Variants in NCOA5 observed in about 807,000 individuals in gnomAD.
NCOA5 encodes nuclear receptor coactivator 5, also known as NCoA-5.
In NCOA5, 12 loss-of-function variants were observed where a neutral mutation model predicts 59.0. That is an observed-to-expected ratio of 0.20 (90% CI 0.13 to 0.33). NCOA5 has a LOEUF of 0.33. Ranked by LOEUF, NCOA5 falls within the 10% of genes least tolerant of loss-of-function variation. The pLI is 1.00. For synonymous variants in NCOA5, 270 were observed against 275.5 expected, an observed-to-expected ratio of 0.98 and a Z score of 0.20; for missense variants, 655 against 766.6, an observed-to-expected ratio of 0.85 and a Z score of 1.72.
chr20:46,063,470 T>A lies in NCOA5; in HGVS notation c.1040A>T (p.Asn347Ile), dbSNP rs199908333. Residue 347 changes from asparagine (N) to isoleucine (I), a missense_variant, in exon 7 of 8, where the codon AAC (asparagine) becomes ATC (isoleucine). Transcript: ENST00000290231. ...GHPPAIQSLI[N>I]LLADNRYLTA... ...GAGGTACCTGTTGTCTGCCAGCAGG[T>A]TGATGAGGCTCTGGATGGCTGGAGG... is the stretch of plus-strand genomic sequence containing the variant. 2 of 1,614,224 alleles carry A rather than the reference T, an allele frequency of 1.2e-6. No individual in the cohort carries two copies. The highest frequency in any genetic ancestry group is 2.2e-5 in the East Asian group (1 of 44,888).
At chr20:46,083,600 G>C (rs1223155893) in intron 1 of NCOA5, among the ~76,000 whole-genome samples, 1 of 152,174 alleles carries the variant, frequency 6.6e-6, no homozygotes, top group East Asian at 1.9e-4. Flanking sequence ...ACCACTAGCT[G>C]TTCAAAGAAC....
intron 2 of NCOA5, among the ~76,000 whole-genome samples, chr20:46,072,831 TTTAC>T (rs2084898079): frequency 6.6e-6 from 1 of 152,232 alleles, no homozygotes; most frequent in Admixed American, 6.5e-5. Context: ...ACATTACATA[TTTAC>T]TTAATGTCTG....
chr20:46,063,808 G>A (rs2084793511), intron 6 of NCOA5, 128 bp from the exon 7 acceptor site: 4 of 967,706 alleles, frequency 4.1e-6, no homozygotes, highest in Non-Finnish European at 6.0e-6. Context: ...AAAGCCTTGA[G>A]ATTGAGAGTG....
At position 46,070,304 on chromosome 20, in the gene NCOA5, G is replaced by C. The variant is rs371556953; in HGVS notation, c.271C>G (p.Arg91Gly). The C allele has an allele frequency of 2.5e-5, 41 of 1,613,668 alleles. No homozygotes were observed. The highest frequency in any genetic ancestry group is 3.3e-5 in the Non-Finnish European group (39 of 1,179,938). The change falls in exon 3 of 8, where the codon CGT becomes GGT. Residue 91 changes from arginine to glycine, a missense_variant. This residue lies in a region of NCOA5 where 250 missense variants were observed against 260.1 expected (regional missense o/e 0.96). Transcript: ENST00000290231. ...VRDVRDLRDF[R>G]DLRDSRDFRD... Reference sequence around the variant, plus strand: ...AAATCCCTAGAGTCTCTTAGATCACGAAAGTCTCTAAGATCCCTCACGTCC... The same window carrying C: ...AAATCCCTAGAGTCTCTTAGATCACCAAAGTCTCTAAGATCCCTCACGTCC...
intron 4 of NCOA5, among the ~76,000 whole-genome samples, chr20:46,067,936 CTT>C (rs879479204): frequency 2.7e-5 from 4 of 145,576 alleles, no homozygotes; most frequent in African/African-American, 2.5e-5. Context: ...TCATTTTTCT[CTT>C]TTTTTTTTTT....
Position 46,070,343 on chromosome 20 carries a change from C to T in NCOA5, c.232G>A (p.Val78Met). Residue 78 changes from valine (V) to methionine (M), a missense_variant, in exon 3 of 8, where the codon GTG becomes ATG. Physicochemically the swap from Val to Met is conservative, Grantham distance 21. Around this residue, in one of 3 missense-constraint regions of NCOA5, gnomAD observed 250 missense variants for 260.1 expected, o/e 0.96. Coordinates refer to ENST00000290231, the MANE Select transcript of NCOA5 (RefSeq NM_020967.3). ...TCCCTCACGTCCCGAACGTCGCGCACACTCCTGCTGTCTCTGTGATCCCGC... is the reference window on the plus strand; with the variant it reads ...TCCCTCACGTCCCGAACGTCGCGCATACTCCTGCTGTCTCTGTGATCCCGC... ...DLRDHRDSRS[V>M]RDVRDVRDLR... 6.2e-7 allele frequency: 1 copy of T among 1,613,772 alleles called. No individual in the cohort carries two copies.
At chr20:46,086,752 C>A (rs75500239) in intron 1 of NCOA5, among the ~76,000 whole-genome samples, 443 of 152,262 alleles carry the variant, frequency 2.9e-3, no homozygotes, top group African/African-American at 0.01. Flanking sequence ...TAATAAACCA[C>A]AAGGTACAGA....
At chr20:46,071,460 G>T (rs933807582) in intron 2 of NCOA5, among the ~76,000 whole-genome samples, 3 of 152,048 alleles carry the variant, frequency 2.0e-5, no homozygotes, top group Admixed American at 6.5e-5. Context: ...CATTGGATTT[G>T]TAAGTCCAAT....
intron 1 of NCOA5, among the ~76,000 whole-genome samples, chr20:46,085,402 T>C (rs1274075809): frequency 4.0e-5 from 6 of 151,836 alleles, no homozygotes; most frequent in African/African-American, 1.2e-4. Flanking sequence ...AGTGGGATTA[T>C]GGCAGAGATA....
rs541472566 is a variant in NCOA5 at position 46,074,663 on chromosome 20, T to C, written c.39-4127A>G. On this transcript the variant is annotated intron_variant, in intron 2 of 7. Transcript: ENST00000290231. Reference sequence around the variant, plus strand: ...GGGGTGAAGGGGAAAACAATGGCTCTGGTGGCAAGTGATGAGCTTCTGGTA... The same window carrying C: ...GGGGTGAAGGGGAAAACAATGGCTCCGGTGGCAAGTGATGAGCTTCTGGTA... Among the ~76,000 whole-genome samples, 6 of 152,340 alleles carry C rather than the reference T, an allele frequency of 3.9e-5. No homozygotes were observed. The East Asian group carries it at 1.2e-3, about 29-fold the overall frequency.
chr20:46,068,829 G>C (rs921131599), intron 3 of NCOA5, among the ~76,000 whole-genome samples, 191 bp from the exon 4 acceptor site: 3 of 152,176 alleles, frequency 2.0e-5, no homozygotes, highest in African/African-American at 7.2e-5. Context: ...ATGGTCTTTG[G>C]CATATATTAA....
chr20:46,073,566 C>T (rs559808158), intron 2 of NCOA5, among the ~76,000 whole-genome samples: 4 of 152,246 alleles, frequency 2.6e-5, no homozygotes, highest in East Asian at 1.9e-4. Context: ...GATTAATGAT[C>T]GGCAGATAAA....
chr20:46,079,541 A>G, intron 1 of NCOA5, 88 bp from the exon 2 acceptor site: 1 of 1,089,916 alleles, frequency 9.2e-7, no homozygotes, highest in Non-Finnish European at 1.4e-6. Context: ...ACAACAACAA[A>G]AACTACAATG....
intron 3 of NCOA5, 104 bp downstream of exon 3, chr20:46,070,106 A>C (rs2084865601): frequency 1.1e-6 from 1 of 892,540 alleles, no homozygotes; most frequent in Non-Finnish European, 1.7e-6. Flanking sequence ...CACCAGAAAT[A>C]AAAGGCTGAT....
In NCOA5 at chr20:46,063,637, G is replaced by A; in HGVS notation, c.873C>T (p.Ala291=). ...CATTCTTGTAACGCTCATAATTTCT[G>A]GCCACCAGCACCATGGCATCTGCTT... ...MPQADAMVLV[A]RNYERYKNEC... is the part of the protein sequence containing the mutation. Residue 291 remains alanine (A), a synonymous_variant, in exon 7 of 8, where the codon GCC becomes GCT. Transcript: ENST00000290231. The A allele has an allele frequency of 6.2e-7, 1 of 1,614,006 alleles. No individual in the cohort carries two copies. Among genetic ancestry groups the A allele is most frequent in the South Asian group, 1.1e-5 (1 of 91,074 alleles).
At chr20:46,076,311 T>C (rs965503261) in intron 2 of NCOA5, among the ~76,000 whole-genome samples, 42 of 149,116 alleles carry the variant, frequency 2.8e-4, no homozygotes, top group African/African-American at 1.0e-3. Flanking sequence ...TCTCAAGGCT[T>C]TGACTGGAAG....
At position 46,070,520 on chromosome 20, in the gene NCOA5, C is replaced by T; in HGVS notation, c.55G>A (p.Gly19Arg). The T allele has an allele frequency of 6.2e-7, 1 of 1,613,906 alleles. No individual in the cohort carries two copies. Residue 19 changes from glycine (G) to arginine (R), a missense_variant, in exon 3 of 8, where the codon GGA (glycine) becomes AGA (arginine). Coordinates refer to ENST00000290231, the MANE Select transcript of NCOA5 (RefSeq NM_020967.3). ...SPTRRDPYGF[G>R]DSRDSRRDRS... ...TCACGCCTTGAATCTCGACTGTCTC[C>T]AAAGCCATATGGATCCCTGTGGGAG... is the stretch of plus-strand genomic sequence containing the variant.
intron 2 of NCOA5, among the ~76,000 whole-genome samples, chr20:46,073,213 CATG>C (rs1321234224): frequency 6.6e-6 from 1 of 152,188 alleles, no homozygotes; most frequent in African/African-American, 2.4e-5. Flanking sequence ...AGGTATTCAT[CATG>C]ATGTCATCAG....
chr20:46,070,524 G>T lies in NCOA5; in HGVS notation c.51C>A (p.Gly17=). 6.2e-7 allele frequency: 1 copy of T among 1,613,754 alleles called. No individual in the cohort carries two copies. Among genetic ancestry groups the T allele is most frequent in the Middle Eastern group, 1.6e-4 (1 of 6,062 alleles). ...RPSPTRRDPY[G]FGDSRDSRRD... ...GCCTTGAATCTCGACTGTCTCCAAA[G>T]CCATATGGATCCCTGTGGGAGGTAG... The change falls in exon 3 of 8, where the codon GGC becomes GGA. Residue 17 remains glycine, a synonymous_variant. Transcript: ENST00000290231.
Sources: gnomAD v4.1 joint callset for allele counts (sites outside exome capture counted in the v4.1 genomes callset) on GRCh38, gnomAD v4.1.1 for gene constraint, gnomAD v4.1.1 regional missense constraint, MANE v1.5 for transcripts, NCBI Gene and HGNC (gene_info 2026-07-23, HGNC 2026-07-21) for gene names.